LAMP2: variants seen among roughly 807,000 people sequenced by gnomAD.
LAMP2 encodes the protein lysosome-associated membrane glycoprotein 2.
In LAMP2, 4 loss-of-function variants were observed where a neutral mutation model predicts 25.6. The ratio of observed to expected loss-of-function variants is 0.16; its 90% confidence interval spans 0.08 to 0.36. The LOEUF is 0.36. LAMP2 is among the 10% of genes least tolerant of loss of function. LAMP2 has a pLI of 1.00. For synonymous variants in LAMP2, 108 were observed against 112.7 expected (o/e 0.96, Z 0.27); for missense variants, 272 against 301.4 (o/e 0.90, Z 0.72).
In LAMP2 at chrX:120,429,804, C is replaced by T; in HGVS notation, c.*1519G>A. On this transcript the variant is annotated 3_prime_UTR_variant, in exon 9 of 9. Coordinates refer to ENST00000200639, the MANE Select transcript of LAMP2 (RefSeq NM_002294.3). ...CTTGATATGGAACCTCAATGAATTTCACTCCCCTTTCTGTAAATAATCGTT... is the reference window on the plus strand; with the variant it reads ...CTTGATATGGAACCTCAATGAATTTTACTCCCCTTTCTGTAAATAATCGTT... The T allele has an allele frequency of 1.1e-5, 8 of 753,736 alleles. No individual in the cohort carries two copies. Among genetic ancestry groups the T allele is most frequent in the Non-Finnish European group, 1.3e-5 (8 of 638,848 alleles). 62.1% of individuals were successfully genotyped at this position (753,736 alleles called of 1,213,427 possible).
chrX:120,435,914 G>A lies in LAMP2; in HGVS notation c.1094-4452C>T, dbSNP rs143815420. Among the ~76,000 whole-genome samples, 59 of 111,567 alleles carry A rather than the reference G, an allele frequency of 5.3e-4. No homozygotes were observed. In the East Asian group the frequency reaches 0.014, roughly 27 times the overall value. The stretch of plus-strand genomic sequence containing the variant: ...AAGTATTTTAGAGTGATCTAAGTAA[G>A]AGAGAGACTGCACACAATCCTACGT... On this transcript the variant is annotated intron_variant, in intron 8 of 8. Transcript: ENST00000200639.
At chrX:120,460,162 A>G (rs1317938578) in intron 1 of LAMP2, among the ~76,000 whole-genome samples, 2 of 109,895 alleles carry the variant, frequency 1.8e-5, no homozygotes, top group African/African-American at 6.6e-5. Flanking sequence ...AATCCTAGCT[A>G]CTTGGGAGGC....
intron 3 of LAMP2, among the ~76,000 whole-genome samples, chrX:120,454,954 C>CAT (rs1161480799): frequency 1.1e-5 from 1 of 90,820 alleles, no homozygotes; most frequent in East Asian, 3.3e-4. Context: ...TATATATATA[C>CAT]ACACACACTA....
At chrX:120,448,938 G>T in intron 4 of LAMP2, 32 bp downstream of exon 4, 7 of 1,167,774 alleles carry the variant, frequency 6.0e-6, no homozygotes, top group Non-Finnish European at 8.2e-6. Context: ...CTTAAATTAG[G>T]ATCCAAGTAG....
chrX:120,465,386 C>A (rs1198608904), intron 1 of LAMP2, among the ~76,000 whole-genome samples: 3 of 111,109 alleles, frequency 2.7e-5, no homozygotes, highest in African/African-American at 6.5e-5. Flanking sequence ...ACAGAAGAAT[C>A]CTGAAATCTA....
intron 6 of LAMP2, among the ~76,000 whole-genome samples, chrX:120,446,067 C>G (rs1009687581): frequency 9.0e-6 from 1 of 110,774 alleles, no homozygotes; most frequent in Non-Finnish European, 1.9e-5. Context: ...TGCTTCTACC[C>G]TAGAGTCTCT....
In LAMP2 at chrX:120,426,254, T is replaced by C. The variant is rs2058498416; in HGVS notation, c.*5069A>G. Among the ~76,000 whole-genome samples, 1 of 101,400 alleles carries C rather than the reference T, an allele frequency of 9.9e-6. No homozygotes were observed. The highest frequency in any genetic ancestry group is 2.0e-5 in the Non-Finnish European group (1 of 50,071). The allele number at this position is 101,400 out of a possible 115,157, so 88.1% of individuals were successfully genotyped here. Reference sequence around the variant, plus strand: ...GTATGCTTTATTTTGCAGGTATTAATTGGTTCTCTAAATCGATACATCCAA... The same window carrying C: ...GTATGCTTTATTTTGCAGGTATTAACTGGTTCTCTAAATCGATACATCCAA... On this transcript the variant is annotated 3_prime_UTR_variant, in exon 9 of 9. Coordinates refer to ENST00000200639, the MANE Select transcript of LAMP2 (RefSeq NM_002294.3).
intron 2 of LAMP2, among the ~76,000 whole-genome samples, chrX:120,455,935 A>T (rs1239215143): frequency 8.5e-5 from 5 of 58,724 alleles, no homozygotes; most frequent in Non-Finnish European, 1.6e-4. Flanking sequence ...AAGTAATTGC[A>T]GTTTGTGCCA....
At chrX:120,436,947 TA>T (rs1318080635) in intron 8 of LAMP2, 1 of 753,129 alleles carries the variant, frequency 1.3e-6, no homozygotes, top group Non-Finnish European at 1.6e-6. Context: ...TGCTTCCAAT[TA>T]TTTTTTTAAA....
Position 120,442,630 on chromosome X carries a change from C to T in LAMP2, c.897G>A (p.Val299=), listed in dbSNP as rs774009218. ...KNENRFYLKE[V]NISMYLVNGS... is the part of the protein sequence containing the mutation. ...CATTAACCAAATACATGCTGATGTT[C>T]ACTTCCTTCAGATAAAATCGGTTTT... is the stretch of plus-strand genomic sequence containing the variant. Residue 299 remains valine, a synonymous_variant, in exon 7 of 9, where the codon GTG becomes GTA. Coordinates refer to ENST00000200639, the MANE Select transcript of LAMP2 (RefSeq NM_002294.3). The T allele has an allele frequency of 8.3e-7, 1 of 1,208,436 alleles. No individual in the cohort carries two copies. Among genetic ancestry groups the T allele is most frequent in the African/African-American group, 1.7e-5 (1 of 57,206 alleles).
chrX:120,429,967 G>C lies in LAMP2; in HGVS notation c.*1356C>G, dbSNP rs188897063. The C allele has an allele frequency of 3.6e-3, 2,719 of 752,216 alleles. 6 individuals carry two copies. The highest frequency in any genetic ancestry group is 6.3e-3 in the Admixed American group (72 of 11,438). The allele number at this position is 752,216 out of a possible 1,213,427, so 62.0% of individuals were successfully genotyped here. A position where few individuals can be genotyped will look rare whatever the true frequency, so the allele number is the denominator to read the frequency against. Reference sequence around the variant, plus strand: ...TACTTTTACCATTCATAAAAATGTTGCTACGGTTCTGAGTACACAACACTC... The same window carrying C: ...TACTTTTACCATTCATAAAAATGTTCCTACGGTTCTGAGTACACAACACTC... On this transcript the variant is annotated 3_prime_UTR_variant, in exon 9 of 9. Transcript: ENST00000200639.
At position 120,428,747 on chromosome X, in the gene LAMP2, C is replaced by T; in HGVS notation, c.*2576G>A. 1 of 1,055,630 alleles carries T rather than the reference C, an allele frequency of 9.5e-7. No homozygotes were observed. The highest frequency in any genetic ancestry group is 1.2e-6 in the Non-Finnish European group (1 of 821,553). The allele number at this position is 1,055,630 out of a possible 1,213,427, so 87.0% of individuals were successfully genotyped here. A position where few individuals can be genotyped will look rare whatever the true frequency, so the allele number is the denominator to read the frequency against. ...CATAGCTTAGTTTTTTATAGCATTA[C>T]CTCTATTTTCTTATTTGCTCAATAT... On this transcript the variant is annotated 3_prime_UTR_variant, in exon 9 of 9. Coordinates refer to ENST00000200639, the MANE Select transcript of LAMP2 (RefSeq NM_002294.3).
rs763332774 is a variant in LAMP2 at position 120,446,464 on chromosome X, G to T, written c.742-37C>A. ...GAAGAAAGGGAAAAGGTACAGGTTAGCTATAAAAGTGGCCAGCAAAGCCTT... is the reference window on the plus strand; with the variant it reads ...GAAGAAAGGGAAAAGGTACAGGTTATCTATAAAAGTGGCCAGCAAAGCCTT... On this transcript the variant is annotated intron_variant, in intron 5 of 8. Coordinates refer to ENST00000200639, the MANE Select transcript of LAMP2 (RefSeq NM_002294.3). 4 of 1,199,383 alleles carry T rather than the reference G, an allele frequency of 3.3e-6. No individual in the cohort carries two copies. In the South Asian group the frequency reaches 7.1e-5, roughly 21 times the overall value.
intron 3 of LAMP2, among the ~76,000 whole-genome samples, chrX:120,451,483 A>G (rs1159132721): frequency 9.2e-6 from 1 of 108,673 alleles, no homozygotes; most frequent in African/African-American, 3.4e-5. Context: ...GGGGGTGGGT[A>G]AGGAAGGGTC....
rs894689376 is a variant in LAMP2 at position 120,429,608 on chromosome X, C to T, written c.*1715G>A. 4 of 746,544 alleles carry T rather than the reference C, an allele frequency of 5.4e-6. No individual in the cohort carries two copies. In the East Asian group the frequency reaches 6.2e-4, roughly 115 times the overall value. The allele number at this position is 746,544 out of a possible 1,213,427, so 61.5% of individuals were successfully genotyped here. A position where few individuals can be genotyped will look rare whatever the true frequency, so the allele number is the denominator to read the frequency against. ...TTTTGGTATATTACTACTGAAAAAG[C>T]CCATATTAGTATTAAAAAAAAAACT... On this transcript the variant is annotated 3_prime_UTR_variant, in exon 9 of 9. Coordinates refer to ENST00000200639, the MANE Select transcript of LAMP2 (RefSeq NM_002294.3).
intron 6 of LAMP2, 127 bp from the exon 7 acceptor site, chrX:120,442,789 A>C: frequency 1.8e-6 from 1 of 548,019 alleles, no homozygotes; most frequent in South Asian, 2.5e-5. Context: ...ATGCGGTAGA[A>C]TAAACTGCAA....
Position 120,429,698 on chromosome X carries a change from C to A in LAMP2, c.*1625G>T. The A allele has an allele frequency of 1.3e-6, 1 of 753,094 alleles. No individual in the cohort carries two copies. Among genetic ancestry groups the A allele is most frequent in the Non-Finnish European group, 1.6e-6 (1 of 638,893 alleles). 62.1% of individuals were successfully genotyped at this position (753,094 alleles called of 1,213,427 possible). ...TGATCTCATAATTTCAAGTGTAAACCAGCTGTTGTTTTACTGTTGAGTGAC... is the reference window on the plus strand; with the variant it reads ...TGATCTCATAATTTCAAGTGTAAACAAGCTGTTGTTTTACTGTTGAGTGAC... On this transcript the variant is annotated 3_prime_UTR_variant, in exon 9 of 9. Transcript: ENST00000200639.
chrX:120,436,811 T>G, intron 8 of LAMP2: 2 of 729,770 alleles, frequency 2.7e-6, no homozygotes, highest in Non-Finnish European at 3.2e-6. Context: ...TACAAAAATA[T>G]TCACTGAAGT....
intron 1 of LAMP2, among the ~76,000 whole-genome samples, chrX:120,461,162 A>G (rs761751347): frequency 3.6e-5 from 4 of 111,776 alleles, no homozygotes; most frequent in Non-Finnish European, 7.5e-5. Flanking sequence ...GTTCTTTTTA[A>G]TAAATTCTTT....
Sources: allele counts gnomAD v4.1 joint callset (sites outside exome capture counted in the v4.1 genomes callset), GRCh38; gene constraint gnomAD v4.1.1; transcripts MANE v1.5; gene names NCBI Gene and HGNC (gene_info 2026-07-23, HGNC 2026-07-21).